The following ZNF546 variants were observed in gnomAD, a reference collection of about 807,000 sequenced individuals.
The protein encoded by ZNF546 is zinc finger protein 546.
A neutral mutation model predicts 76.2 loss-of-function variants in ZNF546; 60 were observed. That is an observed-to-expected ratio of 0.79 (90% CI 0.64 to 0.98). The LOEUF (loss-of-function observed/expected upper bound fraction) is 0.98. Among genes scored for constraint, ZNF546 ranks in the 50% least tolerant of loss-of-function variants. The pLI is 0.00. For synonymous variants in ZNF546, 277 were observed against 328.1 expected, an observed-to-expected ratio of 0.84 and a Z score of 1.68; for missense variants, 936 against 1,035.6, an observed-to-expected ratio of 0.90 and a Z score of 1.32.
rs1028317887 is a variant in ZNF546 at position 40,019,617 on chromosome 19, C to G, written c.*3836C>G. On this transcript the variant is annotated 3_prime_UTR_variant, in exon 7 of 7. Coordinates refer to ENST00000347077, the MANE Select transcript of ZNF546 (RefSeq NM_178544.5). ...AGGAGGAAGTAATATCAAAATTTCA[C>G]TAGCTCTTTCTACACTGATATTATA... is the stretch of plus-strand genomic sequence containing the variant. 3.9e-5 allele frequency: 6 copies of G among 152,166 alleles called. No homozygotes were observed. Among genetic ancestry groups the G allele is most frequent in the African/African-American group, 1.2e-4 (5 of 41,438 alleles). 9.4% of individuals were successfully genotyped at this position (152,166 alleles called of 1,614,324 possible).
chr19:40,004,129 TA>T (rs990990191), intron 3 of ZNF546, among the ~76,000 whole-genome samples: 15 of 108,818 alleles, frequency 1.4e-4, no homozygotes, highest in South Asian at 1.3e-3. Flanking sequence ...ACTATATTAA[TA>T]TATATATATA....
intron 4 of ZNF546, among the ~76,000 whole-genome samples, 156 bp downstream of exon 4, chr19:40,006,338 C>T (rs569996486): frequency 6.6e-6 from 1 of 152,244 alleles, no homozygotes; most frequent in South Asian, 2.1e-4. Context: ...TGCCAAATAG[C>T]CTAGTGTCTT....
intron 6 of ZNF546, among the ~76,000 whole-genome samples, chr19:40,010,286 C>A (rs1248076241): frequency 6.6e-6 from 1 of 151,844 alleles, no homozygotes; most frequent in Non-Finnish European, 1.5e-5. Flanking sequence ...ATCTGTAATC[C>A]CAGCTACTTG....
At position 40,013,156 on chromosome 19, in the gene ZNF546, T is replaced by C. The variant is rs142686457; in HGVS notation, c.395-509T>C. On this transcript the variant is annotated intron_variant, in intron 6 of 6. Coordinates refer to ENST00000347077, the MANE Select transcript of ZNF546 (RefSeq NM_178544.5). ...AGTCACATCATTTTCTGAGGTATTTTGCCTTCTTTTAAATTGCACTACAAT... is the reference window on the plus strand; with the variant it reads ...AGTCACATCATTTTCTGAGGTATTTCGCCTTCTTTTAAATTGCACTACAAT... Among the ~76,000 whole-genome samples the C allele has an allele frequency of 1.7e-3, 253 of 152,302 alleles. 7 individuals are homozygous for C. The East Asian group carries it at 0.041, about 25-fold the overall frequency.
intron 4 of ZNF546, among the ~76,000 whole-genome samples, chr19:40,006,815 T>G (rs1971608366): frequency 6.6e-6 from 1 of 152,218 alleles, no homozygotes. Context: ...AGATGGATGA[T>G]ATTATTAGCT....
At chr19:40,006,228 A>G in intron 4 of ZNF546, 46 bp downstream of exon 4, 2 of 1,540,540 alleles carry the variant, frequency 1.3e-6, no homozygotes, top group Non-Finnish European at 1.8e-6. Context: ...TTTTAAATTC[A>G]TGTGATCATT....
rs1466805793 is a variant in ZNF546 at position 39,999,962 on chromosome 19, A to G, written c.84+1552A>G. 14 of 152,194 alleles carry G rather than the reference A, an allele frequency of 9.2e-5. 1 individual carries two copies. Among genetic ancestry groups the G allele is most frequent in the Admixed American group, 9.2e-4 (14 of 15,278 alleles). 9.4% of individuals were successfully genotyped at this position (152,194 alleles called of 1,614,324 possible). ...AGCACCTGCACTTTTCTTCCTGCAG[A>G]ATAGAAATTGCACTAACTGATTATT... On this transcript the variant is annotated intron_variant, in intron 3 of 6. Transcript: ENST00000347077.
At position 40,020,783 on chromosome 19, in the gene ZNF546, G is replaced by C. The variant is rs1230544289; in HGVS notation, c.*5002G>C. 6.6e-6 allele frequency: 1 copy of C among 152,120 alleles called. No individual in the cohort carries two copies. The highest frequency in any genetic ancestry group is 1.5e-5 in the Non-Finnish European group (1 of 67,996). The allele number at this position is 152,120 out of a possible 1,614,324, so 9.4% of individuals were successfully genotyped here. A position where few individuals can be genotyped will look rare whatever the true frequency, so the allele number is the denominator to read the frequency against. On this transcript the variant is annotated 3_prime_UTR_variant, in exon 7 of 7. Coordinates refer to ENST00000347077, the MANE Select transcript of ZNF546 (RefSeq NM_178544.5). ...CCAAAAAAGAGTGACCCTAAAGATA[G>C]AATATTCAGATCTAATGGCAGATGC...
chr19:40,011,988 A>G (rs545847814), intron 6 of ZNF546, among the ~76,000 whole-genome samples: 2 of 152,274 alleles, frequency 1.3e-5, no homozygotes, highest in African/African-American at 2.4e-5. Context: ...AATTCAACCT[A>G]CTACATCTGA....
rs1397472047 is a variant in ZNF546 at position 40,017,951 on chromosome 19, T to G, written c.*2170T>G. 1 of 151,954 alleles carries G rather than the reference T, an allele frequency of 6.6e-6. No homozygotes were observed. The highest frequency in any genetic ancestry group is 1.5e-5 in the Non-Finnish European group (1 of 68,418). 9.4% of individuals were successfully genotyped at this position (151,954 alleles called of 1,614,324 possible). A position where few individuals can be genotyped will look rare whatever the true frequency, so the allele number is the denominator to read the frequency against. On this transcript the variant is annotated 3_prime_UTR_variant, in exon 7 of 7. Transcript: ENST00000347077. The stretch of plus-strand genomic sequence containing the variant: ...AAGAATGGCCCTTCCCCCCACAACT[T>G]TATTGCAACATTGACTTTTTTTTTT...
At chr19:40,002,559 C>T (rs376024949) in intron 3 of ZNF546, among the ~76,000 whole-genome samples, 12 of 152,240 alleles carry the variant, frequency 7.9e-5, no homozygotes, top group East Asian at 3.9e-4. Context: ...CTTGGGAGTT[C>T]ATAGGAAGGA....
At position 40,016,105 on chromosome 19, in the gene ZNF546, G is replaced by T. The variant is rs234300; in HGVS notation, c.*324G>T. 6 of 288,954 alleles carry T rather than the reference G, an allele frequency of 2.1e-5. No homozygotes were observed. Among genetic ancestry groups the T allele is most frequent in the African/African-American group, 1.1e-4 (5 of 45,496 alleles). 17.9% of individuals were successfully genotyped at this position (288,954 alleles called of 1,614,324 possible). ...ACCTGTAATCCCAGCACTGTGGAAA[G>T]ACAGGAGTTCGAAACCAGCCTGGGC... On this transcript the variant is annotated 3_prime_UTR_variant, in exon 7 of 7. Transcript: ENST00000347077.
At position 40,015,773 on chromosome 19, in the gene ZNF546, A is replaced by G; in HGVS notation, c.2503A>G (p.Ile835Val). The G allele has an allele frequency of 6.2e-7, 1 of 1,612,578 alleles. No homozygotes were observed. Among genetic ancestry groups the G allele is most frequent in the Non-Finnish European group, 8.5e-7 (1 of 1,179,164 alleles). ...RNHISEEVLC[I>V]M Reference sequence around the variant, plus strand: ...TCATATTAGTGAGGAAGTCCTATGCATAATGTAAAGAGAATACGATGGCCT... The same window carrying G: ...TCATATTAGTGAGGAAGTCCTATGCGTAATGTAAAGAGAATACGATGGCCT... The change falls in exon 7 of 7, where the codon ATA becomes GTA. Residue 835 changes from isoleucine (I) to valine (V), a missense_variant. Transcript: ENST00000347077.
At position 40,006,156 on chromosome 19, in the gene ZNF546, T is replaced by G; in HGVS notation, c.145T>G (p.Ser49Ala). The G allele has an allele frequency of 1.2e-6, 2 of 1,613,858 alleles. No individual in the cohort carries two copies. The highest frequency in any genetic ancestry group is 1.7e-6 in the Non-Finnish European group (2 of 1,179,898). ...GGAAACTCAAGGAGAACTGACAAGTTCTTGTGGTTCTAAAACCATGGCCAA... is the reference window on the plus strand; with the variant it reads ...GGAAACTCAAGGAGAACTGACAAGTGCTTGTGGTTCTAAAACCATGGCCAA... Reference protein sequence around the residue: ...MEETQGELTSSCGSKTMANVS... With the variant: ...MEETQGELTSACGSKTMANVS... Residue 49 changes from serine (S) to alanine (A), a missense_variant, in exon 4 of 7, where the codon TCT (serine) becomes GCT (alanine). By Grantham distance (99) the Ser-to-Ala change is moderately conservative. Transcript: ENST00000347077.
chr19:39,997,859 A>G lies in ZNF546; in HGVS notation c.-134-2A>G. The G allele has an allele frequency of 6.3e-6, 1 of 158,954 alleles. No individual in the cohort carries two copies. The highest frequency in any genetic ancestry group is 1.4e-5 in the Non-Finnish European group (1 of 71,838). 9.8% of individuals were successfully genotyped at this position (158,954 alleles called of 1,614,324 possible). ...CCCCCATTCTGCTATTCATCAAAAC[A>G]GGGATCCTGAAAAGGAGGGAACAAT... On this transcript the variant is annotated splice_acceptor_variant, in intron 1 of 6. Transcript: ENST00000347077. LOFTEE classifies it low-confidence loss of function (5UTR_SPLICE).
Position 40,006,096 on chromosome 19 carries a change from C to A in ZNF546, c.85C>A (p.Pro29Thr). Reference protein sequence around the residue: ...IIPLHSLSIMPRFLWILCFSM... With the variant: ...IIPLHSLSIMTRFLWILCFSM... Reference sequence around the variant, plus strand: ...CAGAGTCACTTGTTCTTCCCCCCAGCCCCGGTTTCTCTGGATTCTGTGCTT... The same window carrying A: ...CAGAGTCACTTGTTCTTCCCCCCAGACCCGGTTTCTCTGGATTCTGTGCTT... The change falls in exon 4 of 7, where the codon CCC becomes ACC. Residue 29 changes from proline to threonine, a missense_variant and splice_region_variant. Transcript: ENST00000347077. 1 of 1,613,776 alleles carries A rather than the reference C, an allele frequency of 6.2e-7. No individual in the cohort carries two copies.
chr19:40,013,926 G>A lies in ZNF546; in HGVS notation c.656G>A (p.Cys219Tyr), dbSNP rs1436869741. 1 of 1,610,108 alleles carries A rather than the reference G, an allele frequency of 6.2e-7. No homozygotes were observed. Among genetic ancestry groups the A allele is most frequent in the African/African-American group, 1.3e-5 (1 of 74,730 alleles). ...CATGCTAGAGAGAAATCATATGAAT[G>A]TAAGGAATGTAGAAAGGCCTTTAGA... ...KIHAREKSYE[C>Y]KECRKAFRQQ... Residue 219 changes from cysteine to tyrosine, a missense_variant, in exon 7 of 7, where the codon TGT (cysteine) becomes TAT (tyrosine). Coordinates refer to ENST00000347077, the MANE Select transcript of ZNF546 (RefSeq NM_178544.5).
At chr19:40,008,029 A>G (rs1206997953) in intron 5 of ZNF546, among the ~76,000 whole-genome samples, 1 of 152,238 alleles carries the variant, frequency 6.6e-6, no homozygotes, top group Non-Finnish European at 1.5e-5. Flanking sequence ...TGGGCATATT[A>G]TATGCCTTTG....
chr19:40,004,713 T>G (rs1971581334), intron 3 of ZNF546, among the ~76,000 whole-genome samples: 1 of 152,190 alleles, frequency 6.6e-6, no homozygotes, highest in South Asian at 2.1e-4. Flanking sequence ...TCTTTCTTTA[T>G]GTATGTGTGT....
Sources: gnomAD v4.1 joint callset for allele counts (sites outside exome capture counted in the v4.1 genomes callset) on GRCh38, gnomAD v4.1.1 for gene constraint, MANE v1.5 for transcripts, NCBI Gene and HGNC (gene_info 2026-07-23, HGNC 2026-07-21) for gene names.